Variants in ZIM3 observed in about 807,000 individuals in gnomAD.
The protein encoded by ZIM3 is zinc finger imprinted 3, also known as zinc finger protein 657.
In ZIM3, 11 loss-of-function variants were observed where a neutral mutation model predicts 12.9. That is an observed-to-expected ratio of 0.85 (90% CI 0.54 to 1.41). The LOEUF is 1.41. ZIM3 is among the 40% of genes most tolerant of loss of function. The probability of loss-of-function intolerance (pLI) is 0.00; values close to 1 mark genes in which losing one functional copy is unlikely to be tolerated. For synonymous variants in ZIM3, 205 were observed against 198.5 expected (o/e 1.03, Z -0.28); for missense variants, 604 against 557.2 (o/e 1.08, Z -0.85).
rs1316379143 is a variant in ZIM3 at position 57,136,897 on chromosome 19, C to T, written c.217G>A (p.Glu73Lys). ...CCTGCACGGCCACTTCCCAGCACTT[C>T]CTCTTCCTCCAACCATGGCTCCTTT... ...QGKEPWLEEEEVLGSGRAEKN... is the reference protein window; with the variant it reads ...QGKEPWLEEEKVLGSGRAEKN... The change falls in exon 4 of 5, where the codon GAA (glutamate) becomes AAA (lysine). Residue 73 changes from glutamate (E) to lysine (K), a missense_variant. Glu to Lys is a moderately conservative substitution (Grantham distance 56). Coordinates refer to ENST00000269834, the MANE Select transcript of ZIM3 (RefSeq NM_052882.1). 8.1e-6 allele frequency: 13 copies of T among 1,614,038 alleles called. No homozygotes were observed. Among genetic ancestry groups the T allele is most frequent in the Non-Finnish European group, 1.0e-5 (12 of 1,180,032 alleles).
At chr19:57,143,821 A>T (rs765470984) in intron 1 of ZIM3, among the ~76,000 whole-genome samples, 20 of 151,542 alleles carry the variant, frequency 1.3e-4, no homozygotes, top group Non-Finnish European at 2.5e-4. Context: ...GATTACAGGC[A>T]TGCACCACCA....
Position 57,143,885 on chromosome 19 carries a change from A to C in ZIM3, c.-43+974T>G, listed in dbSNP as rs554071658. 1.6e-3 allele frequency among the ~76,000 whole-genome samples: 244 copies of C among 152,054 alleles called. 1 individual carries two copies. Among genetic ancestry groups the C allele is most frequent in the African/African-American group, 5.7e-3 (237 of 41,470 alleles). On this transcript the variant is annotated intron_variant, in intron 1 of 4. Transcript: ENST00000269834. ...GAGACAAGGTTTTACCATGTTGTTC[A>C]GGCTGGTCTCGAGCTGCTGATCTCA...
Position 57,135,898 on chromosome 19 carries a change from C to A in ZIM3, c.439G>T (p.Asp147Tyr), listed in dbSNP as rs375178643. ...LQHYVQNNSH[D>Y]DNGYRKLVGN... Reference sequence around the variant, plus strand: ...ACTAATTTTCTGTATCCATTATCATCGTGAGAATTATTTTGTACATAGTGT... The same window carrying A: ...ACTAATTTTCTGTATCCATTATCATAGTGAGAATTATTTTGTACATAGTGT... The change falls in exon 5 of 5, where the codon GAT (aspartate) becomes TAT (tyrosine). Residue 147 changes from aspartate to tyrosine, a missense_variant. Asp to Tyr is a radical substitution (Grantham distance 160, BLOSUM62 -3). Transcript: ENST00000269834. 6.2e-7 allele frequency: 1 copy of A among 1,614,078 alleles called. No individual in the cohort carries two copies. The highest frequency in any genetic ancestry group is 8.5e-7 in the Non-Finnish European group (1 of 1,180,028).
At position 57,137,045 on chromosome 19, in the gene ZIM3, T is replaced by C. The variant is rs1356566489; in HGVS notation, c.143-74A>G. ...GTTTGTGCAAGTGTATGAGTGTATA[T>C]AAGCGCTTGCGTATGCTTGTGTGAA... On this transcript the variant is annotated intron_variant, in intron 3 of 4. Transcript: ENST00000269834. 4.9e-6 allele frequency: 7 copies of C among 1,419,844 alleles called. No individual in the cohort carries two copies. The Admixed American group carries it at 5.0e-5, about 10-fold the overall frequency. 88.0% of individuals were successfully genotyped at this position (1,419,844 alleles called of 1,614,324 possible).
chr19:57,142,301 C>A (rs1171549809), intron 2 of ZIM3, among the ~76,000 whole-genome samples: 2 of 151,902 alleles, frequency 1.3e-5, no homozygotes, highest in Admixed American at 1.3e-4. Flanking sequence ...ACGCCACCAC[C>A]ACCACACCCA....
At chr19:57,138,743 C>A in intron 2 of ZIM3, 145 bp from the exon 3 acceptor site, 2 of 1,097,776 alleles carry the variant, frequency 1.8e-6, no homozygotes. Context: ...CCCAGAGGAT[C>A]TTGCCAATGA....
At chr19:57,143,060 A>G (rs542745530) in intron 1 of ZIM3, among the ~76,000 whole-genome samples, 79 of 151,740 alleles carry the variant, frequency 5.2e-4, no homozygotes, top group Non-Finnish European at 9.7e-4. Flanking sequence ...GGGCGCGGTG[A>G]CTCATGCCTG....
At chr19:57,138,261 T>A (rs1364247919) in intron 3 of ZIM3, among the ~76,000 whole-genome samples, 1 of 152,172 alleles carries the variant, frequency 6.6e-6, no homozygotes, top group Non-Finnish European at 1.5e-5. Flanking sequence ...AGGCCCTCAC[T>A]CATTCTCCCG....
chr19:57,134,921 T>A lies in ZIM3; in HGVS notation c.1416A>T (p.Arg472Ser), dbSNP rs1339843985. Reference sequence around the variant, plus strand: ...TTTTTTTAAGTGCATGGGGCTCCTATCTGGAGTGAATTCTTTTCTGGTGCC... The same window carrying A: ...TTTTTTTAAGTGCATGGGGCTCCTAACTGGAGTGAATTCTTTTCTGGTGCC... ...LVRHQKRIHS[R>S] is the part of the protein sequence containing the mutation. The change falls in exon 5 of 5, where the codon AGA becomes AGT. Residue 472 changes from arginine to serine, a missense_variant. Transcript: ENST00000269834. 1 of 1,609,638 alleles carries A rather than the reference T, an allele frequency of 6.2e-7. No homozygotes were observed.
At chr19:57,142,142 C>CTTTTT (rs35172118) in intron 2 of ZIM3, among the ~76,000 whole-genome samples, 27 of 112,432 alleles carry the variant, frequency 2.4e-4, no homozygotes, top group African/African-American at 8.4e-4. Context: ...CGTAACCAAG[C>CTTTTT]TTTTTTTTTT....
chr19:57,137,832 G>C (rs2086893416), intron 3 of ZIM3, among the ~76,000 whole-genome samples: 1 of 138,152 alleles, frequency 7.2e-6, no homozygotes, highest in Admixed American at 7.6e-5. Context: ...GAGAGGGAGG[G>C]AGGGAGAAAG....
chr19:57,136,928 T>C lies in ZIM3; in HGVS notation c.186A>G (p.Glu62=). The C allele has an allele frequency of 1.2e-6, 2 of 1,614,194 alleles. No homozygotes were observed. The highest frequency in any genetic ancestry group is 3.3e-5 in the Admixed American group (2 of 60,020). The part of the protein sequence containing the change: ...TTKPDVILRL[E]QGKEPWLEEE... ...CCTCCAACCATGGCTCCTTTCCTTG[T>C]TCCAACCTCAAGATCACATCGGGTT... Residue 62 remains glutamate, a synonymous_variant, in exon 4 of 5, where the codon GAA becomes GAG. Transcript: ENST00000269834.
chr19:57,135,361 G>C lies in ZIM3; in HGVS notation c.976C>G (p.Gln326Glu). The change falls in exon 5 of 5, where the codon CAG becomes GAG. Residue 326 changes from glutamine (Q) to glutamate (E), a missense_variant. Physicochemically the swap from Gln to Glu is conservative, Grantham distance 29. Coordinates refer to ENST00000269834, the MANE Select transcript of ZIM3 (RefSeq NM_052882.1). ...GGTTTCTCTCCCGTGTGTATTCTCT[G>C]GTGTTTCACAAGATCTGACTTGTAA... ...FIYKSDLVKHQRIHTGEKPYK... is the reference protein window; with the variant it reads ...FIYKSDLVKHERIHTGEKPYK... 1 of 1,613,856 alleles carries C rather than the reference G, an allele frequency of 6.2e-7. No homozygotes were observed. Among genetic ancestry groups the C allele is most frequent in the Non-Finnish European group, 8.5e-7 (1 of 1,179,858 alleles).
chr19:57,141,251 C>T lies in ZIM3; in HGVS notation c.15+1378G>A, dbSNP rs149564570. On this transcript the variant is annotated intron_variant, in intron 2 of 4. Transcript: ENST00000269834. ...CTCTACTAAAAATACAAAAATTAGC[C>T]GGGCGTGGGCGTGGTGGCGTGCGCC... is the stretch of plus-strand genomic sequence containing the variant. Among the ~76,000 whole-genome samples the T allele has an allele frequency of 8.1e-3, 1,229 of 151,806 alleles. 15 individuals carry two copies. The highest frequency in any genetic ancestry group is 0.029 in the African/African-American group (1,181 of 41,434).
At chr19:57,138,742 T>C (rs752229442) in intron 2 of ZIM3, 144 bp from the exon 3 acceptor site, 10 of 1,107,146 alleles carry the variant, frequency 9.0e-6, no homozygotes, top group African/African-American at 1.6e-5. Flanking sequence ...GCCCAGAGGA[T>C]CTTGCCAATG....
chr19:57,140,786 C>T (rs2086910313), intron 2 of ZIM3, among the ~76,000 whole-genome samples: 1 of 152,100 alleles, frequency 6.6e-6, no homozygotes, highest in Non-Finnish European at 1.5e-5. Flanking sequence ...TATGCCTTTC[C>T]TGTCAACAGG....
In ZIM3 at chr19:57,135,069, T is replaced by TCA; in HGVS notation, c.1266_1267dup (p.Glu423ValfsTer11). On this transcript the variant is annotated frameshift_variant, in exon 5 of 5. Coordinates refer to ENST00000269834, the MANE Select transcript of ZIM3 (RefSeq NM_052882.1). LOFTEE classifies it low-confidence loss of function (END_TRUNC). ...TTTCCGGATGAAGGTTTTTCCACAT[T>TCA]CACTACATCTATAGGTCCTCTCTCC... 1 of 1,614,200 alleles carries TCA rather than the reference T, an allele frequency of 6.2e-7. No homozygotes were observed. Among genetic ancestry groups the TCA allele is most frequent in the Non-Finnish European group, 8.5e-7 (1 of 1,180,040 alleles).
intron 2 of ZIM3, among the ~76,000 whole-genome samples, chr19:57,142,142 C>CTTTTTTT (rs35172118): frequency 1.8e-5 from 2 of 112,464 alleles, no homozygotes; most frequent in African/African-American, 6.7e-5. Flanking sequence ...CGTAACCAAG[C>CTTTTTTT]TTTTTTTTTT....
chr19:57,143,517 G>A (rs1449298472), intron 1 of ZIM3, among the ~76,000 whole-genome samples: 1 of 152,036 alleles, frequency 6.6e-6, no homozygotes, highest in Non-Finnish European at 1.5e-5. Flanking sequence ...GTGAACATGG[G>A]ATGCAGATAG....
Sources: gnomAD v4.1 joint callset for allele counts (sites outside exome capture counted in the v4.1 genomes callset) on GRCh38, gnomAD v4.1.1 for gene constraint, MANE v1.5 for transcripts, NCBI Gene and HGNC (gene_info 2026-07-23, HGNC 2026-07-21) for gene names.